The following ERICH1 variants were observed in gnomAD, a reference collection of about 807,000 sequenced individuals.
ERICH1 encodes glutamate-rich protein 1.
ERICH1 carries 56 observed loss-of-function variants against 39.6 expected under a neutral mutation model. The observed-to-expected ratio is 1.41, with a 90% confidence interval of 1.14 to 1.77. ERICH1 has a LOEUF of 1.77. Among genes scored for constraint, ERICH1 ranks in the 40% most tolerant of loss-of-function variants. The probability of loss-of-function intolerance (pLI) is 0.00; values close to 1 mark genes in which losing one functional copy is unlikely to be tolerated. For synonymous variants in ERICH1, 313 were observed against 223.6 expected (o/e 1.40, Z -3.57); for missense variants, 826 against 575.4 (o/e 1.44, Z -4.45).
Position 668,619 on chromosome 8 carries a change from C to G in ERICH1, c.1237G>C (p.Glu413Gln). The G allele has an allele frequency of 6.2e-7, 1 of 1,614,218 alleles. No homozygotes were observed. Among genetic ancestry groups the G allele is most frequent in the Non-Finnish European group, 8.5e-7 (1 of 1,180,042 alleles). ...TTACCAGGAGGCATCGTGCAATGTT[C>G]TGGGAACATTTCCAGAGCATGCTTC... ...RLKHALEMFP[E>Q]HCTMPPDHAR... Residue 413 changes from glutamate to glutamine, a missense_variant, in exon 5 of 6, where the codon GAA becomes CAA. Glu to Gln is a conservative substitution (Grantham distance 29, BLOSUM62 2). Transcript: ENST00000262109.
intron 3 of ERICH1, among the ~76,000 whole-genome samples, chr8:616,832 G>GAGAA (rs1327548391): frequency 2.2e-5 from 3 of 137,854 alleles, no homozygotes; most frequent in East Asian, 2.3e-4. Context: ...GGGAGAGAGA[G>GAGAA]AGAAAGAGAG....
rs533641634 is a variant in ERICH1, at chr8:645,674, G to A, written c.976+22924C>T. ...GGAGGCTTGGGAGTTGGCAGAATTT[G>A]TATTTCTGTAATTTTGCTTTGCTGC... On this transcript the variant is annotated intron_variant, in intron 3 of 3. Coordinates refer to the ERICH1 transcript ENST00000522706. Among the ~76,000 whole-genome samples, 588 of 68,446 alleles carry A rather than the reference G, an allele frequency of 8.6e-3. 206 individuals are homozygous for A. Among genetic ancestry groups the A allele is most frequent in the African/African-American group, 0.02 (534 of 27,240 alleles). The allele number at this position is 68,446 out of a possible 152,430, so 44.9% of individuals were successfully genotyped here.
chr8:616,796 G>A (rs1796931861), intron 3 of ERICH1, among the ~76,000 whole-genome samples: 1 of 96,606 alleles, frequency 1.0e-5, no homozygotes, highest in Admixed American at 1.1e-4. Flanking sequence ...GAGAGATGGG[G>A]AAGAGAGGGG....
At chr8:651,501 T>C (rs202110372) in intron 3 of ERICH1, among the ~76,000 whole-genome samples, 4 of 152,054 alleles carry the variant, frequency 2.6e-5, no homozygotes, top group East Asian at 3.9e-4. Context: ...GTGGAGAAAA[T>C]GCAGGAGCCA....
chr8:642,036 C>T (rs1182439205), intron 3 of ERICH1, among the ~76,000 whole-genome samples: 1 of 152,230 alleles, frequency 6.6e-6, no homozygotes, highest in African/African-American at 2.4e-5. Context: ...GCCTGCCAGG[C>T]GGCCTGTGCC....
chr8:642,120 A>T (rs1342934701), intron 3 of ERICH1, among the ~76,000 whole-genome samples: 1 of 152,150 alleles, frequency 6.6e-6, no homozygotes, highest in East Asian at 1.9e-4. Flanking sequence ...GCACATGCAA[A>T]AAGGGGCGTG....
intron 4 of ERICH1, 59 bp downstream of exon 4, chr8:673,230 C>A: frequency 2.0e-6 from 3 of 1,507,792 alleles, no homozygotes; most frequent in South Asian, 1.3e-5. Flanking sequence ...ATATTTGTTT[C>A]TTTTAATAAA....
chr8:673,973 T>G lies in ERICH1; in HGVS notation c.379A>C (p.Asn127His). 2 of 1,593,424 alleles carry G rather than the reference T, an allele frequency of 1.3e-6. No individual in the cohort carries two copies. The highest frequency in any genetic ancestry group is 1.7e-6 in the Non-Finnish European group (2 of 1,175,844). ...HKSKKKFKNP[N>H]NVLIEQAELE... ...TCTGCTTGTTCTATAAGAACATTAT[T>G]GGGATTTTTAAATTTTTTCTTTGAT... is the stretch of plus-strand genomic sequence containing the variant. The change falls in exon 4 of 6, where the codon AAT becomes CAT. Residue 127 changes from asparagine to histidine, a missense_variant. Physicochemically the swap from Asn to His is moderately conservative, Grantham distance 68 (BLOSUM62 1). Transcript: ENST00000262109.
chr8:683,895 C>A (rs62487399), intron 3 of ERICH1, among the ~76,000 whole-genome samples: 2,732 of 152,266 alleles, frequency 0.018, 30 homozygotes, highest in Middle Eastern at 0.034. Context: ...AAGATTAGTT[C>A]CTGAATTCTT....
intron 3 of ERICH1, among the ~76,000 whole-genome samples, chr8:691,571 T>C (rs957994115): frequency 2.6e-5 from 4 of 152,272 alleles, no homozygotes; most frequent in African/African-American, 9.6e-5. Context: ...CAGAGGAATT[T>C]ATCTTCATAA....
intron 1 of ERICH1, among the ~76,000 whole-genome samples, chr8:721,061 A>G (rs985146365): frequency 1.3e-5 from 2 of 152,228 alleles, no homozygotes; most frequent in African/African-American, 4.8e-5. Flanking sequence ...GTAAACAGGC[A>G]CAAAAACAGA....
intron 2 of ERICH1, among the ~76,000 whole-genome samples, chr8:699,779 G>T (rs1811316301): frequency 3.3e-5 from 3 of 91,544 alleles, no homozygotes; most frequent in East Asian, 7.2e-4. Flanking sequence ...GCACAGACCC[G>T]CACACGCGCA....
chr8:721,373 G>A (rs148582127), intron 1 of ERICH1, among the ~76,000 whole-genome samples: 72 of 152,134 alleles, frequency 4.7e-4, no homozygotes, highest in African/African-American at 1.6e-3. Flanking sequence ...ATTCACAGAC[G>A]AGCTTCACTT....
intron 4 of ERICH1, among the ~76,000 whole-genome samples, chr8:672,365 A>G (rs926885461): frequency 2.0e-5 from 3 of 152,252 alleles, no homozygotes; most frequent in African/African-American, 7.2e-5. Flanking sequence ...GGAAGAGGCT[A>G]GAGTGCTCTT....
chr8:689,463 C>A (rs886671229), intron 3 of ERICH1, among the ~76,000 whole-genome samples: 1 of 152,196 alleles, frequency 6.6e-6, no homozygotes, highest in African/African-American at 2.4e-5. Context: ...ACCTAACGGA[C>A]TGATCAATTC....
In ERICH1 at chr8:729,886, C is replaced by G. The variant is rs1585776087; in HGVS notation, c.22+1254G>C. 5.9e-5 allele frequency among the ~76,000 whole-genome samples: 9 copies of G among 151,856 alleles called. 1 individual carries two copies. In the South Asian group the frequency reaches 1.9e-3, roughly 32 times the overall value. ...TCTTGCATAGAGAAGAGCATTTATTCCAGGCTTAGAAGAGTGCAAACATTT... is the reference window on the plus strand; with the variant it reads ...TCTTGCATAGAGAAGAGCATTTATTGCAGGCTTAGAAGAGTGCAAACATTT... On this transcript the variant is annotated intron_variant, in intron 1 of 5. Coordinates refer to ENST00000262109, the MANE Select transcript of ERICH1 (RefSeq NM_207332.3).
At chr8:654,642 A>G (rs1264522357) in intron 3 of ERICH1, among the ~76,000 whole-genome samples, 1 of 152,216 alleles carries the variant, frequency 6.6e-6, no homozygotes, top group Non-Finnish European at 1.5e-5. Flanking sequence ...AAAGATGGAA[A>G]GGAACCTCCC....
At chr8:719,143 C>T (rs1034391178) in intron 1 of ERICH1, among the ~76,000 whole-genome samples, 3 of 152,230 alleles carry the variant, frequency 2.0e-5, no homozygotes, top group Admixed American at 6.5e-5. Context: ...CTTTGCCACA[C>T]GAAAGCCCCA....
chr8:662,849 G>A (rs879472817), downstream of ERICH1, among the ~76,000 whole-genome samples: 12 of 152,136 alleles, frequency 7.9e-5, no homozygotes, highest in East Asian at 1.9e-4. Context: ...CAATGACTTC[G>A]GAGTTAGGGG....
Sources: gnomAD v4.1 joint callset for allele counts (sites outside exome capture counted in the v4.1 genomes callset) on GRCh38, gnomAD v4.1.1 for gene constraint, MANE v1.5 for transcripts, NCBI Gene and HGNC (gene_info 2026-07-23, HGNC 2026-07-21) for gene names.